The following CLDN14 variants were observed in gnomAD, a reference collection of about 807,000 sequenced individuals.
CLDN14 encodes the protein claudin-14.
A neutral mutation model predicts 2.1 loss-of-function variants in CLDN14; 2 were observed. That is an observed-to-expected ratio of 0.96 (90% CI 0.39 to 3.01). CLDN14 has a LOEUF of 3.01. Among genes scored for constraint, CLDN14 ranks in the 30% most tolerant of loss-of-function variants. The pLI is 0.09. For missense variants in CLDN14, 298 were observed against 328.0 expected, an observed-to-expected ratio of 0.91 and a Z score of 0.71; for synonymous variants, 136 against 154.4, an observed-to-expected ratio of 0.88 and a Z score of 0.88.
At chr21:36,507,194 G>A (rs900705592) in intron 2 of CLDN14, among the ~76,000 whole-genome samples, 4 of 151,542 alleles carry the variant, frequency 2.6e-5, no homozygotes, top group South Asian at 2.1e-4. Flanking sequence ...TGACACAAGC[G>A]GCTGCACAAA....
intron 2 of CLDN14, among the ~76,000 whole-genome samples, chr21:36,494,890 G>A (rs2087001949): frequency 6.6e-6 from 1 of 152,196 alleles, no homozygotes; most frequent in South Asian, 2.1e-4. Flanking sequence ...TCTGCTCAAG[G>A]ACCACAGGTC....
chr21:36,535,298 G>A (rs1029683207), intron 1 of CLDN14, among the ~76,000 whole-genome samples: 2 of 152,188 alleles, frequency 1.3e-5, no homozygotes, highest in East Asian at 3.8e-4. Context: ...GCTGAGGCAC[G>A]AGAATCACTT....
chr21:36,554,775 C>T (rs1274663413), intron 1 of CLDN14, among the ~76,000 whole-genome samples: 1 of 152,210 alleles, frequency 6.6e-6, no homozygotes, highest in Non-Finnish European at 1.5e-5. Flanking sequence ...GAGGATGCCA[C>T]GGGATGTGTT....
chr21:36,549,823 C>T (rs998696920), intron 1 of CLDN14, among the ~76,000 whole-genome samples: 5 of 152,240 alleles, frequency 3.3e-5, no homozygotes, highest in Admixed American at 2.6e-4. Context: ...GGCCACATTC[C>T]TACTCGCAAT....
At chr21:36,535,020 A>G (rs1479237555) in intron 1 of CLDN14, among the ~76,000 whole-genome samples, 1 of 152,260 alleles carries the variant, frequency 6.6e-6, no homozygotes, top group Non-Finnish European at 1.5e-5. Context: ...AGGTGGAAAC[A>G]ACAGACTTTG....
intron 1 of CLDN14, among the ~76,000 whole-genome samples, chr21:36,555,104 C>A (rs1052873244): frequency 6.6e-6 from 1 of 152,196 alleles, no homozygotes. Flanking sequence ...GTCAAATGAA[C>A]GAGTGAATGG....
intron 2 of CLDN14, among the ~76,000 whole-genome samples, chr21:36,488,268 T>C (rs544773385): frequency 1.3e-4 from 19 of 150,122 alleles, no homozygotes; most frequent in Admixed American, 6.7e-5. Context: ...CTTCCTTCCT[T>C]CCTTCCCTCT....
intron 2 of CLDN14, among the ~76,000 whole-genome samples, chr21:36,501,082 G>A (rs2087088287): frequency 1.3e-5 from 2 of 152,198 alleles, no homozygotes; most frequent in Admixed American, 6.5e-5. Context: ...CTGTCTGCCT[G>A]GCTAATGGCC....
upstream of CLDN14, among the ~76,000 whole-genome samples, chr21:36,485,000 C>CCA (rs1450841786): frequency 2.6e-3 from 400 of 151,480 alleles, 5 homozygotes; most frequent in Admixed American, 5.3e-3. Context: ...GCATGAGCCA[C>CCA]TGTACTGGGC....
intron 1 of CLDN14, among the ~76,000 whole-genome samples, chr21:36,467,136 G>C (rs1601593004): frequency 6.6e-6 from 1 of 152,162 alleles, no homozygotes; most frequent in African/African-American, 2.4e-5. Flanking sequence ...TGAAGGGAGG[G>C]GGTTTTTCTG....
chr21:36,523,422 A>C (rs1447305502), intron 1 of CLDN14, among the ~76,000 whole-genome samples: 1 of 152,122 alleles, frequency 6.6e-6, no homozygotes, highest in African/African-American at 2.4e-5. Context: ...TTTTCAATAA[A>C]AGCAATCTAG....
intron 1 of CLDN14, among the ~76,000 whole-genome samples, chr21:36,535,547 AAAG>A (rs2087417430): frequency 6.6e-6 from 1 of 152,262 alleles, no homozygotes; most frequent in Non-Finnish European, 1.5e-5. Flanking sequence ...AAATACATTT[AAAG>A]ACCACAAAAG....
At chr21:36,521,890 A>G (rs1452445643) in intron 1 of CLDN14, among the ~76,000 whole-genome samples, 1 of 152,200 alleles carries the variant, frequency 6.6e-6, no homozygotes, top group Non-Finnish European at 1.5e-5. Flanking sequence ...CGATTCCCCA[A>G]ATGAAAATCA....
rs545452647 is a variant in CLDN14 at position 36,555,126 on chromosome 21, TCC to T, written c.-220+21283_-220+21284del. ...GAACGAGTGAATGGATACCTATAAC[TCC>T]GTCTAACTCAGAGGCTTTGAAGAGG... is the stretch of plus-strand genomic sequence containing the variant. On this transcript the variant is annotated intron_variant, in intron 1 of 2. Coordinates refer to the CLDN14 transcript ENST00000342108. 1.0e-3 allele frequency among the ~76,000 whole-genome samples: 153 copies of T among 152,328 alleles called. 1 individual carries two copies. Among genetic ancestry groups the T allele is most frequent in the African/African-American group, 3.4e-3 (141 of 41,592 alleles).
intron 1 of CLDN14, among the ~76,000 whole-genome samples, chr21:36,537,661 T>C (rs970958716): frequency 1.1e-4 from 16 of 150,694 alleles, no homozygotes; most frequent in East Asian, 1.9e-4. Flanking sequence ...CTTTTCTTTT[T>C]TTTTTTGAGA....
chr21:36,517,253 A>G (rs1340784233), intron 1 of CLDN14, among the ~76,000 whole-genome samples: 1 of 152,276 alleles, frequency 6.6e-6, no homozygotes, highest in African/African-American at 2.4e-5. Context: ...GTTGGAACAC[A>G]GCCACATTCG....
At chr21:36,513,658 G>A (rs1310889654) in intron 1 of CLDN14, among the ~76,000 whole-genome samples, 1 of 152,144 alleles carries the variant, frequency 6.6e-6, no homozygotes, top group Non-Finnish European at 1.5e-5. Context: ...GAATGAGAAG[G>A]GGTCATAAGC....
chr21:36,552,704 C>G (rs1000721925), intron 1 of CLDN14, among the ~76,000 whole-genome samples: 20 of 131,482 alleles, frequency 1.5e-4, no homozygotes, highest in Non-Finnish European at 3.0e-4. Context: ...CAAAACAAAA[C>G]AAAACAAAAA....
At chr21:36,512,741 G>A (rs770247196) in intron 1 of CLDN14, among the ~76,000 whole-genome samples, 3 of 152,172 alleles carry the variant, frequency 2.0e-5, no homozygotes, top group Non-Finnish European at 4.4e-5. Context: ...GTATGCACAC[G>A]GCTGAAGGGG....
Sources: gnomAD v4.1 joint callset for allele counts (sites outside exome capture counted in the v4.1 genomes callset) on GRCh38, gnomAD v4.1.1 for gene constraint, MANE v1.5 for transcripts, NCBI Gene and HGNC (gene_info 2026-07-23, HGNC 2026-07-21) for gene names.